XRCC6: variants seen among roughly 807,000 people sequenced by gnomAD.
XRCC6 encodes DNA repair protein Ku70.
XRCC6 carries 5 observed loss-of-function variants against 65.7 expected under a neutral mutation model. That is an observed-to-expected ratio of 0.08 (90% confidence interval 0.04 to 0.16). XRCC6 has a LOEUF of 0.16. Ranked by LOEUF, XRCC6 falls within the 10% of genes least tolerant of loss-of-function variation. The probability of loss-of-function intolerance (pLI) is 1.00; values close to 1 mark genes in which losing one functional copy is unlikely to be tolerated. For synonymous variants in XRCC6, 270 were observed against 270.6 expected, an observed-to-expected ratio of 1.00 and a Z score of 0.02; for missense variants, 447 against 738.1, an observed-to-expected ratio of 0.61 and a Z score of 4.57.
At chr22:41,624,794 G>C (rs1230767147) in intron 2 of XRCC6, among the ~76,000 whole-genome samples, 1 of 150,774 alleles carries the variant, frequency 6.6e-6, no homozygotes, top group African/African-American at 2.4e-5. Context: ...TCAGGACATC[G>C]AGACCATCCT....
At chr22:41,645,856 A>G (rs528152526) in intron 6 of XRCC6, among the ~76,000 whole-genome samples, 110 of 151,824 alleles carry the variant, frequency 7.2e-4, no homozygotes, top group South Asian at 1.5e-3. Context: ...GTGCGCCACC[A>G]TGCCTGGCTA....
chr22:41,637,736 G>A lies in XRCC6; in HGVS notation c.718G>A (p.Glu240Lys). The change falls in exon 6 of 13, where the codon GAA (glutamate) becomes AAA (lysine). Residue 240 changes from glutamate to lysine, a missense_variant. Physicochemically the swap from Glu to Lys is moderately conservative, Grantham distance 56. Around this residue, in one of 4 missense-constraint regions of XRCC6, gnomAD observed 228 missense variants for 307.4 expected, o/e 0.74. Coordinates refer to ENST00000360079, the MANE Select transcript of XRCC6 (RefSeq NM_001469.5). ...TCACTTTGAGGAATCCAGCAAGCTA[G>A]AAGACCTGTTGCGGAAGGTTCGCGC... ...RVHFEESSKLEDLLRKVRAKE... is the reference protein window; with the variant it reads ...RVHFEESSKLKDLLRKVRAKE... 6.2e-7 allele frequency: 1 copy of A among 1,614,056 alleles called. No individual in the cohort carries two copies.
chr22:41,654,459 G>C (rs1423592879), intron 9 of XRCC6, among the ~76,000 whole-genome samples: 1 of 152,174 alleles, frequency 6.6e-6, no homozygotes, highest in African/African-American at 2.4e-5. Flanking sequence ...CTCTCAGGCT[G>C]TGTCTATAGT....
chr22:41,639,007 C>G (rs971786150), intron 6 of XRCC6, among the ~76,000 whole-genome samples: 13 of 152,204 alleles, frequency 8.5e-5, no homozygotes, highest in African/African-American at 2.9e-4. Flanking sequence ...GACAAACTTA[C>G]GACAGCTATG....
chr22:41,625,383 T>G (rs535709714), intron 2 of XRCC6, among the ~76,000 whole-genome samples: 2 of 151,992 alleles, frequency 1.3e-5, no homozygotes, highest in African/African-American at 4.8e-5. Context: ...CTCAGCACTT[T>G]GGGAGTAGGA....
rs71184825 is a variant in XRCC6 at position 41,639,667 on chromosome 22, C to CTTTTTTTTTTTTTTTTTTTTT, written c.773+1889_773+1890insTTTTTTTTTTTTTTTTTTTTT. On this transcript the variant is annotated intron_variant, in intron 6 of 12. Coordinates refer to ENST00000360079, the MANE Select transcript of XRCC6 (RefSeq NM_001469.5). ...TCCATGTGTAGCCTAGATTCTCTCT[C>CTTTTTTTTTTTTTTTTTTTTT]TTTTTTTTTTTTTGAGATGGAGTCT... is the stretch of plus-strand genomic sequence containing the variant. Among the ~76,000 whole-genome samples, 2 of 81,050 alleles carry CTTTTTTTTTTTTTTTTTTTTT rather than the reference C, an allele frequency of 2.5e-5. 1 individual carries two copies. Among genetic ancestry groups the CTTTTTTTTTTTTTTTTTTTTT allele is most frequent in the Non-Finnish European group, 4.5e-5 (2 of 44,158 alleles). The allele number at this position is 81,050 out of a possible 152,430, so 53.2% of individuals were successfully genotyped here.
At chr22:41,637,895 C>A in intron 6 of XRCC6, 104 bp downstream of exon 6, 2 of 1,296,556 alleles carry the variant, frequency 1.5e-6, no homozygotes, top group Non-Finnish European at 2.1e-6. Context: ...GAGGCCAAGG[C>A]AGGCGGATTG....
At chr22:41,643,578 T>C (rs994293306) in intron 6 of XRCC6, among the ~76,000 whole-genome samples, 1 of 152,134 alleles carries the variant, frequency 6.6e-6, no homozygotes, top group Non-Finnish European at 1.5e-5. Flanking sequence ...CCCAGCACTT[T>C]GGGAGGCCGA....
At chr22:41,639,667 C>CTCT in intron 6 of XRCC6, among the ~76,000 whole-genome samples, 1 of 81,044 alleles carries the variant, frequency 1.2e-5, no homozygotes, top group South Asian at 4.0e-4. Context: ...GATTCTCTCT[C>CTCT]TTTTTTTTTT....
At chr22:41,658,730 ATG>A (rs1176338087) in intron 11 of XRCC6, among the ~76,000 whole-genome samples, 1 of 152,190 alleles carries the variant, frequency 6.6e-6, no homozygotes, top group Non-Finnish European at 1.5e-5. Context: ...CCTGGCCAAC[ATG>A]TCTCTACTCT....
intron 11 of XRCC6, among the ~76,000 whole-genome samples, chr22:41,661,045 A>G (rs1569099786): frequency 7.7e-6 from 1 of 129,148 alleles, no homozygotes; most frequent in South Asian, 2.4e-4. Flanking sequence ...AAAAAAATCT[A>G]AAAAAAAAAA....
In XRCC6 at chr22:41,622,027, A is replaced by T; in HGVS notation, c.23A>T (p.Tyr8Phe). The change falls in exon 2 of 13, where the codon TAC becomes TTC. Residue 8 changes from tyrosine to phenylalanine, a missense_variant. Physicochemically the swap from Tyr to Phe is conservative, Grantham distance 22. This residue lies in a region of XRCC6 where 228 missense variants were observed against 307.4 expected (regional missense o/e 0.74). Coordinates refer to ENST00000360079, the MANE Select transcript of XRCC6 (RefSeq NM_001469.5). MSGWESY[Y>F]KTEGDEEAEE... ...AACATGTCAGGGTGGGAGTCATATT[A>T]CAAAACCGAGGGCGATGAAGAAGCA... The T allele has an allele frequency of 6.2e-7, 1 of 1,614,256 alleles. No individual in the cohort carries two copies. The highest frequency in any genetic ancestry group is 2.2e-5 in the East Asian group (1 of 44,892).
intron 6 of XRCC6, among the ~76,000 whole-genome samples, chr22:41,638,772 G>A (rs28741123): frequency 0.026 from 2,168 of 84,802 alleles, 60 homozygotes; most frequent in African/African-American, 0.13. Flanking sequence ...GTGAGACTCC[G>A]CCTCAAAAAA....
rs924418518 is a variant in XRCC6 at position 41,631,095 on chromosome 22, AC to A, written c.195+2872del. ...GGGCTGCTGGCCGGGTGGGGGGATGACCCCCCCACCTCCCTCCTGGACGGGG... is the reference window on the plus strand; with the variant it reads ...GGGCTGCTGGCCGGGTGGGGGGATGACCCCCCACCTCCCTCCTGGACGGGG... On this transcript the variant is annotated intron_variant, in intron 3 of 12. Transcript: ENST00000360079. 7.9e-5 allele frequency among the ~76,000 whole-genome samples: 10 copies of A among 126,986 alleles called. No individual in the cohort carries two copies. In the South Asian group the frequency reaches 2.1e-3, roughly 26 times the overall value. The allele number at this position is 126,986 out of a possible 152,430, so 83.3% of individuals were successfully genotyped here.
rs979452503 is a variant in XRCC6, at chr22:41,649,465, C to T, written c.961-1258C>T. ...TATTGGGATTACAGGCATGAGTCAACGTGCCCTGCCTTGGAAGTAGTACTT... is the reference window on the plus strand; with the variant it reads ...TATTGGGATTACAGGCATGAGTCAATGTGCCCTGCCTTGGAAGTAGTACTT... On this transcript the variant is annotated intron_variant, in intron 7 of 12. Coordinates refer to ENST00000360079, the MANE Select transcript of XRCC6 (RefSeq NM_001469.5). 4.7e-4 allele frequency among the ~76,000 whole-genome samples: 71 copies of T among 151,794 alleles called. 1 individual carries two copies. The highest frequency in any genetic ancestry group is 3.4e-3 in the Middle Eastern group (1 of 294).
intron 12 of XRCC6, among the ~76,000 whole-genome samples, chr22:41,662,971 C>T (rs955515365): frequency 1.3e-5 from 2 of 152,096 alleles, no homozygotes; most frequent in African/African-American, 4.8e-5. Context: ...GTCCCAACTA[C>T]CTGGGAGACT....
chr22:41,652,216 C>T (rs762586549), intron 8 of XRCC6, among the ~76,000 whole-genome samples: 4 of 149,654 alleles, frequency 2.7e-5, no homozygotes, highest in South Asian at 2.1e-4. Flanking sequence ...TGAACCTTGC[C>T]GTTGTGTTTA....
Position 41,637,723 on chromosome 22 carries a change from A to G in XRCC6, c.705A>G (p.Glu235=). The change falls in exon 6 of 13, where the codon GAA becomes GAG. Residue 235 remains glutamate, a synonymous_variant. Coordinates refer to ENST00000360079, the MANE Select transcript of XRCC6 (RefSeq NM_001469.5). The part of the protein sequence containing the change: ...EDEDLRVHFE[E]SSKLEDLLRK... ...AGGACCTCAGGGTTCACTTTGAGGA[A>G]TCCAGCAAGCTAGAAGACCTGTTGC... 1 of 1,614,018 alleles carries G rather than the reference A, an allele frequency of 6.2e-7. No homozygotes were observed. Among genetic ancestry groups the G allele is most frequent in the Non-Finnish European group, 8.5e-7 (1 of 1,180,002 alleles).
intron 6 of XRCC6, among the ~76,000 whole-genome samples, chr22:41,646,435 G>A (rs2147099017): frequency 6.6e-6 from 1 of 152,260 alleles, no homozygotes; most frequent in South Asian, 2.1e-4. Flanking sequence ...TATTATACGG[G>A]TTGAGTGTTT....
Sources: gnomAD v4.1 joint callset for allele counts (sites outside exome capture counted in the v4.1 genomes callset) on GRCh38, gnomAD v4.1.1 for gene constraint, gnomAD v4.1.1 regional missense constraint, MANE v1.5 for transcripts, NCBI Gene and HGNC (gene_info 2026-07-23, HGNC 2026-07-21) for gene names.